Variants in FRMD3 observed in about 807,000 individuals in gnomAD.
FRMD3 encodes the protein FERM domain containing 3.
Under a neutral mutation model 70.2 loss-of-function variants are expected in FRMD3, and 33 were observed. The observed-to-expected ratio is 0.47, with a 90% CI of 0.36 to 0.63. The LOEUF (loss-of-function observed/expected upper bound fraction) is 0.63. FRMD3 is among the 20% of genes least tolerant of loss of function. The probability of loss-of-function intolerance (pLI) is 0.00; values close to 1 mark genes in which losing one functional copy is unlikely to be tolerated. For synonymous variants in FRMD3, 279 were observed against 255.9 expected (o/e 1.09, Z -0.86); for missense variants, 632 against 711.4 (o/e 0.89, Z 1.27).
chr9:83,358,319 T>C lies in FRMD3; in HGVS notation c.296-8562A>G, dbSNP rs557549196. 3.3e-5 allele frequency among the ~76,000 whole-genome samples: 5 copies of C among 152,314 alleles called. 1 individual carries two copies. In the South Asian group the frequency reaches 1.0e-3, roughly 32 times the overall value. On this transcript the variant is annotated intron_variant, in intron 3 of 13. Coordinates refer to ENST00000304195, the MANE Select transcript of FRMD3 (RefSeq NM_174938.6). ...CTATTTTTATACCAGTACCATGCTG[T>C]TTGGTGACTATGACCTTATAGTATA...
intron 3 of FRMD3, among the ~76,000 whole-genome samples, chr9:83,370,922 T>C (rs1005632572): frequency 6.6e-6 from 1 of 150,970 alleles, no homozygotes; most frequent in South Asian, 2.1e-4. Context: ...AAAAAAATTA[T>C]GCATTTTAGT....
intron 1 of FRMD3, among the ~76,000 whole-genome samples, chr9:83,471,567 G>A (rs577585129): frequency 1.1e-4 from 16 of 152,218 alleles, no homozygotes; most frequent in South Asian, 6.2e-4. Flanking sequence ...AGGAAAGCCC[G>A]TACTGCTCCA....
Position 83,450,850 on chromosome 9 carries a change from C to T in FRMD3, c.148-61142G>A, listed in dbSNP as rs560208322. 3.3e-5 allele frequency among the ~76,000 whole-genome samples: 5 copies of T among 152,266 alleles called. No individual in the cohort carries two copies. The East Asian group carries it at 7.7e-4, about 23-fold the overall frequency. ...CTGCACTCACGGAGTAACTCAAAGT[C>T]GGAGCAGTGTGAGAAACACACTATT... On this transcript the variant is annotated intron_variant, in intron 1 of 13. Transcript: ENST00000304195.
chr9:83,480,755 A>G (rs1828549422), intron 1 of FRMD3, among the ~76,000 whole-genome samples: 2 of 152,150 alleles, frequency 1.3e-5, no homozygotes. Context: ...TCGGCCTCAC[A>G]AAGTGCTGGG....
At chr9:83,558,154 G>A in the FRMD3 span, among the ~76,000 whole-genome samples, 2 of 152,166 alleles carry the variant, frequency 1.3e-5, no homozygotes, top group Non-Finnish European at 2.9e-5. Context: ...ATTTGTTGAA[G>A]GATAGTCTTA....
At chr9:83,509,784 C>CGT (rs1829295202) in intron 1 of FRMD3, among the ~76,000 whole-genome samples, 2 of 150,118 alleles carry the variant, frequency 1.3e-5, no homozygotes, top group Admixed American at 1.3e-4. Context: ...CGCACACGCG[C>CGT]GCGCACACAC....
chr9:83,433,237 A>G (rs1276644216), intron 1 of FRMD3, among the ~76,000 whole-genome samples: 1 of 152,228 alleles, frequency 6.6e-6, no homozygotes, highest in Non-Finnish European at 1.5e-5. Flanking sequence ...TAGGAAGGCA[A>G]TTAATGCATG....
At chr9:83,359,510 T>C (rs1196716917) in intron 3 of FRMD3, among the ~76,000 whole-genome samples, 1 of 152,038 alleles carries the variant, frequency 6.6e-6, no homozygotes, top group Non-Finnish European at 1.5e-5. Flanking sequence ...TGTAAAGGGC[T>C]AGAGAATAAA....
In FRMD3 at chr9:83,537,921, A is replaced by G. The variant is rs1013691374; in HGVS notation, c.147+164T>C. 6.6e-6 allele frequency among the ~76,000 whole-genome samples: 1 copy of G among 151,990 alleles called. No homozygotes were observed. Among genetic ancestry groups the G allele is most frequent in the Non-Finnish European group, 1.5e-5 (1 of 67,950 alleles). On this transcript the variant is annotated intron_variant, in intron 1 of 13. Transcript: ENST00000304195. The surrounding 1 kb of genome is among the most constrained non-coding windows in gnomAD (Gnocchi z 4.1). ...GGGCACCATGCCCCTCCATGCCAGG[A>G]TAAGGCCCCCCACCCTCAGAGGCCT... is the stretch of plus-strand genomic sequence containing the variant.
intron 2 of FRMD3, among the ~76,000 whole-genome samples, chr9:83,387,767 T>C (rs988788713): frequency 6.6e-6 from 1 of 152,214 alleles, no homozygotes; most frequent in Non-Finnish European, 1.5e-5. Flanking sequence ...TAAAAAGTTA[T>C]GGCTATGAAT....
chr9:83,535,370 C>T (rs983382762), intron 1 of FRMD3, among the ~76,000 whole-genome samples: 1 of 152,170 alleles, frequency 6.6e-6, no homozygotes, highest in Non-Finnish European at 1.5e-5. Context: ...GGAATGCTTA[C>T]CTACTAGAGA....
chr9:83,507,727 T>C (rs1434427079), intron 1 of FRMD3, among the ~76,000 whole-genome samples: 1 of 121,600 alleles, frequency 8.2e-6, no homozygotes, highest in African/African-American at 3.0e-5. Context: ...TATATATATA[T>C]ATATATATAT....
chr9:83,487,074 C>G (rs1828705533), intron 1 of FRMD3, among the ~76,000 whole-genome samples: 1 of 152,158 alleles, frequency 6.6e-6, no homozygotes, highest in Non-Finnish European at 1.5e-5. Flanking sequence ...GCATTATTTC[C>G]CATGTAACCC....
At chr9:83,449,711 C>T (rs1827585738) in intron 1 of FRMD3, among the ~76,000 whole-genome samples, 1 of 152,168 alleles carries the variant, frequency 6.6e-6, no homozygotes, top group Non-Finnish European at 1.5e-5. Context: ...TATCTCAGCT[C>T]TAGACTCATG....
In FRMD3 at chr9:83,457,902, A is replaced by T. The variant is rs557831553; in HGVS notation, c.148-68194T>A. The stretch of plus-strand genomic sequence containing the variant: ...CAAAACATCACATTGTACACTTCAA[A>T]CATATATAATTGTTATTCCTCAAGT... On this transcript the variant is annotated intron_variant, in intron 1 of 13. Coordinates refer to ENST00000304195, the MANE Select transcript of FRMD3 (RefSeq NM_174938.6). Among the ~76,000 whole-genome samples, 10 of 152,056 alleles carry T rather than the reference A, an allele frequency of 6.6e-5. No homozygotes were observed. In the South Asian group the frequency reaches 2.1e-3, roughly 32 times the overall value.
chr9:83,424,846 G>T (rs1210458821), intron 1 of FRMD3, among the ~76,000 whole-genome samples: 2 of 152,156 alleles, frequency 1.3e-5, no homozygotes, highest in Non-Finnish European at 2.9e-5. Flanking sequence ...CATTTTTACA[G>T]GTGTGAATAC....
the FRMD3 span, among the ~76,000 whole-genome samples, chr9:83,576,932 G>A: frequency 1.3e-5 from 2 of 151,958 alleles, no homozygotes; most frequent in Admixed American, 1.3e-4. Flanking sequence ...ATGCACTATC[G>A]ATTGTATTTC....
chr9:83,440,653 G>A (rs2131393291), intron 1 of FRMD3, among the ~76,000 whole-genome samples: 1 of 152,332 alleles, frequency 6.6e-6, no homozygotes, highest in South Asian at 2.1e-4. Flanking sequence ...ATCAAAGGCA[G>A]TGTAACAGAG....
intron 1 of FRMD3, among the ~76,000 whole-genome samples, chr9:83,488,465 C>T (rs1828734492): frequency 6.6e-6 from 1 of 152,090 alleles, no homozygotes; most frequent in African/African-American, 2.4e-5. Context: ...AGGAAGCACC[C>T]AACTACTTAA....
Sources: allele counts gnomAD v4.1 joint callset (sites outside exome capture counted in the v4.1 genomes callset), GRCh38; gene constraint gnomAD v4.1.1; non-coding constraint Gnocchi (gnomAD v3.1); transcripts MANE v1.5; gene names NCBI Gene and HGNC (gene_info 2026-07-23, HGNC 2026-07-21).